Variants in HVCN1 observed in about 807,000 individuals in gnomAD.
The protein encoded by HVCN1 is voltage-gated hydrogen channel 1.
A neutral mutation model predicts 29.2 loss-of-function variants in HVCN1; 14 were observed. The ratio of observed to expected loss-of-function variants is 0.48; its 90% confidence interval spans 0.32 to 0.75. The LOEUF is 0.75. Among genes scored for constraint, HVCN1 ranks in the 30% least tolerant of loss-of-function variants. The probability of loss-of-function intolerance (pLI) is 0.04; values close to 1 mark genes in which losing one functional copy is unlikely to be tolerated. For synonymous variants in HVCN1, 131 were observed against 133.2 expected (o/e 0.98, Z 0.11); for missense variants, 263 against 341.8 (o/e 0.77, Z 1.82).
chr12:110,694,754 C>T (rs1024639146), upstream of HVCN1, among the ~76,000 whole-genome samples: 9 of 152,228 alleles, frequency 5.9e-5, no homozygotes, highest in Non-Finnish European at 1.0e-4. The surrounding 1 kb of genome is among the most constrained non-coding windows in gnomAD (Gnocchi z 4.6). Flanking sequence ...ACGACGGGAT[C>T]TGCACAAGGC....
intron 2 of HVCN1, among the ~76,000 whole-genome samples, chr12:110,684,095 T>C (rs948388753): frequency 2.6e-5 from 4 of 151,824 alleles, no homozygotes; most frequent in Admixed American, 2.6e-4. Flanking sequence ...AACAAGCAGA[T>C]TGGTGGTTGC....
intron 3 of HVCN1, among the ~76,000 whole-genome samples, chr12:110,679,500 A>C (rs1017461616): frequency 6.6e-5 from 10 of 152,186 alleles, no homozygotes; most frequent in Non-Finnish European, 2.9e-5. Flanking sequence ...TTCCGCACGC[A>C]ATCTTGTTTA....
At chr12:110,685,234 CAGAA>C (rs1398737516) in intron 2 of HVCN1, among the ~76,000 whole-genome samples, 1 of 152,114 alleles carries the variant, frequency 6.6e-6, no homozygotes. Context: ...AGGCTGGAGT[CAGAA>C]AGATCTGAAG....
At chr12:110,700,045 G>A (rs1392056737) in intron 2 of HVCN1, among the ~76,000 whole-genome samples, 3 of 152,218 alleles carry the variant, frequency 2.0e-5, no homozygotes, top group East Asian at 1.9e-4. Flanking sequence ...CCATAGACAC[G>A]TGCCGGCCAC....
At chr12:110,665,895 A>T (rs531908510) in intron 3 of HVCN1, among the ~76,000 whole-genome samples, 1 of 151,936 alleles carries the variant, frequency 6.6e-6, no homozygotes, top group East Asian at 1.9e-4. Context: ...AATCCCAGCT[A>T]CTCAGGAGGC....
intron 3 of HVCN1, chr12:110,682,986 A>C (rs367999020): frequency 5.3e-5 from 25 of 473,454 alleles, no homozygotes; most frequent in East Asian, 1.7e-4. Flanking sequence ...AACAAAAAAA[A>C]CCGCACATAG....
chr12:110,699,853 A>T (rs1278841546), intron 2 of HVCN1, among the ~76,000 whole-genome samples: 1 of 152,196 alleles, frequency 6.6e-6, no homozygotes, highest in East Asian at 1.9e-4. Flanking sequence ...TAAACAAGCC[A>T]GCGCTATTTC....
chr12:110,649,548 G>T, intron 7 of HVCN1, 73 bp from the exon 8 acceptor site: 1 of 1,109,634 alleles, frequency 9.0e-7, no homozygotes. Context: ...ATCATTCAGT[G>T]AGCCCCAGGC....
upstream of HVCN1, among the ~76,000 whole-genome samples, chr12:110,693,629 T>A (rs573106326): frequency 1.3e-5 from 2 of 152,306 alleles, no homozygotes; most frequent in East Asian, 3.9e-4. Context: ...AGTATAGTTA[T>A]TGGAGATATC....
chr12:110,652,617 A>G (rs187439605), intron 5 of HVCN1, among the ~76,000 whole-genome samples: 2 of 152,358 alleles, frequency 1.3e-5, no homozygotes, highest in African/African-American at 4.8e-5. Flanking sequence ...GATTGATTGT[A>G]ACACAGTGAA....
intron 4 of HVCN1, among the ~76,000 whole-genome samples, chr12:110,656,781 G>C (rs1366237589): frequency 6.6e-6 from 1 of 152,170 alleles, no homozygotes; most frequent in Non-Finnish European, 1.5e-5. Flanking sequence ...ATTATGATGT[G>C]GTTTCTTGTG....
chr12:110,692,445 C>T (rs2069423700), upstream of HVCN1, among the ~76,000 whole-genome samples: 1 of 152,178 alleles, frequency 6.6e-6, no homozygotes, highest in African/African-American at 2.4e-5. Flanking sequence ...GAAGGCCGGG[C>T]ATGGTGGCTC....
intron 2 of HVCN1, among the ~76,000 whole-genome samples, chr12:110,684,583 A>C (rs1457902453): frequency 1.3e-5 from 2 of 152,178 alleles, no homozygotes; most frequent in Non-Finnish European, 2.9e-5. Flanking sequence ...ATCTAAGTCA[A>C]AAGAAATACA....
rs1193338780 is a variant in HVCN1, at chr12:110,676,601, C to G, written c.21+6624G>C. ...CCTCTGTGCCCAGCTCCAATGAAAA[C>G]TCTGGGCATTGGGTCTCTAAGGAAC... On this transcript the variant is annotated intron_variant, in intron 3 of 7. Transcript: ENST00000242607. This position sits in a 1 kb window ranked among gnomAD's most constrained non-coding sequence, Gnocchi z 4.1. Among the ~76,000 whole-genome samples the G allele has an allele frequency of 1.3e-5, 2 of 152,154 alleles. No individual in the cohort carries two copies. Among genetic ancestry groups the G allele is most frequent in the Admixed American group, 6.5e-5 (1 of 15,268 alleles).
At position 110,661,357 on chromosome 12, in the gene HVCN1, C is replaced by T; in HGVS notation, c.113G>A (p.Trp38Ter). 6.2e-7 allele frequency: 1 copy of T among 1,614,186 alleles called. No homozygotes were observed. Among genetic ancestry groups the T allele is most frequent in the Non-Finnish European group, 8.5e-7 (1 of 1,180,030 alleles). ...FTVVGDDYHA[W>*]NINYKKWENE... ...CTCCCATTTCTTGTAGTTGATGTTC[C>T]AGGCATGGTAGTCGTCTCCCACGAC... The change falls in exon 4 of 8, where the codon TGG (tryptophan) becomes TAG (stop). Residue 38 changes from tryptophan (W) to a stop codon, truncating the protein, a stop_gained. Coordinates refer to ENST00000242607, the MANE Select transcript of HVCN1 (RefSeq NM_032369.4). LOFTEE classifies it high-confidence loss of function. The surrounding 1 kb of genome is among the most constrained non-coding windows in gnomAD (Gnocchi z 6.2).
At chr12:110,671,314 C>T (rs528295168) in intron 3 of HVCN1, among the ~76,000 whole-genome samples, 3 of 152,190 alleles carry the variant, frequency 2.0e-5, no homozygotes, top group South Asian at 4.1e-4. Flanking sequence ...GAATGAGACT[C>T]GGTCTCAAAA....
At chr12:110,691,808 C>T (rs1200817009), upstream of HVCN1, among the ~76,000 whole-genome samples, 1 of 152,126 alleles carries the variant, frequency 6.6e-6, no homozygotes, top group Non-Finnish European at 1.5e-5. Context: ...AGGCATCGCT[C>T]AGTCTTCTCC....
intron 3 of HVCN1, among the ~76,000 whole-genome samples, chr12:110,668,833 C>T (rs1218641890): frequency 3.9e-5 from 6 of 152,162 alleles, no homozygotes; most frequent in East Asian, 1.9e-4. Flanking sequence ...ACCTGCCTGA[C>T]GGTCCCACAC....
intron 3 of HVCN1, among the ~76,000 whole-genome samples, chr12:110,666,460 A>G (rs929721694): frequency 4.0e-5 from 6 of 151,782 alleles, no homozygotes; most frequent in Non-Finnish European, 7.4e-5. Context: ...AAGATCAATG[A>G]ACTTAAAGAC....
Sources: gnomAD v4.1 joint callset for allele counts (sites outside exome capture counted in the v4.1 genomes callset) on GRCh38, gnomAD v4.1.1 for gene constraint, Gnocchi (gnomAD v3.1) non-coding constraint, MANE v1.5 for transcripts, NCBI Gene and HGNC (gene_info 2026-07-23, HGNC 2026-07-21) for gene names.